The following ZNF320 variants were observed in gnomAD, a reference collection of about 807,000 sequenced individuals.
ZNF320 encodes zinc finger protein 320.
A neutral mutation model predicts 6.8 loss-of-function variants in ZNF320; 2 were observed. The observed-to-expected ratio is 0.29, with a 90% CI of 0.12 to 0.93. The LOEUF is 0.93. Among genes scored for constraint, ZNF320 ranks in the 40% least tolerant of loss-of-function variants. ZNF320 has a pLI of 0.55. For missense variants in ZNF320, 472 were observed against 611.0 expected, an observed-to-expected ratio of 0.77 and a Z score of 2.40; for synonymous variants, 208 against 203.2, an observed-to-expected ratio of 1.02 and a Z score of -0.20.
intron 5 of ZNF320, among the ~76,000 whole-genome samples, chr19:52,870,431 T>G (rs1600578808): frequency 7.3e-6 from 1 of 136,414 alleles, no homozygotes. Context: ...TGAGCCAAGA[T>G]CGGGCCACTA....
chr19:52,862,213 GGTGA>G lies in ZNF320; in HGVS notation c.*1812_*1815del, dbSNP rs553520248. ...CTACACCATGGATTGCCTGATGGAT[GGTGA>G]GTAAGTGGTGATTGCCCACTAAAGG... On this transcript the variant is annotated 3_prime_UTR_variant, in exon 6 of 6. Coordinates refer to the ZNF320 transcript ENST00000673631. The G allele has an allele frequency of 1.9e-4, 99 of 510,896 alleles. 1 individual carries two copies. The highest frequency in any genetic ancestry group is 1.1e-3 in the Admixed American group (49 of 43,402). 31.6% of individuals were successfully genotyped at this position (510,896 alleles called of 1,614,324 possible). A position where few individuals can be genotyped will look rare whatever the true frequency, so the allele number is the denominator to read the frequency against.
At chr19:52,865,810 TATG>T (rs1432436091) in intron 5 of ZNF320, among the ~76,000 whole-genome samples, 3 of 124,138 alleles carry the variant, frequency 2.4e-5, no homozygotes, top group African/African-American at 6.5e-5. Flanking sequence ...TATTTATATA[TATG>T]ATTATACACA....
At chr19:52,872,779 G>A (rs2063702654), downstream of ZNF320, among the ~76,000 whole-genome samples, 1 of 152,116 alleles carries the variant, frequency 6.6e-6, no homozygotes, top group African/African-American at 2.4e-5. Flanking sequence ...GGGATTACAG[G>A]CGTGAGCCAC....
At chr19:52,875,511 AATCCATTTAACATTCAAATTAC>A (rs1285594847), downstream of ZNF320, among the ~76,000 whole-genome samples, 2 of 152,180 alleles carry the variant, frequency 1.3e-5, no homozygotes, top group East Asian at 3.8e-4. Flanking sequence ...GGAGGACTGG[AATCCATTTAACATTCAAATTAC>A]ATCTGAGCAG....
upstream of ZNF320, among the ~76,000 whole-genome samples, chr19:52,898,796 A>G (rs2064545458): frequency 1.3e-5 from 2 of 152,242 alleles, no homozygotes; most frequent in Admixed American, 1.3e-4. Flanking sequence ...ATGTTCTTCT[A>G]TACAATGTCT....
rs2063826910 is a variant in ZNF320, at chr19:52,878,576, C to T, written c.*2020G>A. The T allele has an allele frequency of 6.6e-6, 1 of 152,026 alleles. No individual in the cohort carries two copies. Among genetic ancestry groups the T allele is most frequent in the South Asian group, 2.1e-4 (1 of 4,820 alleles). The allele number at this position is 152,026 out of a possible 1,614,324, so 9.4% of individuals were successfully genotyped here. A position where few individuals can be genotyped will look rare whatever the true frequency, so the allele number is the denominator to read the frequency against. On this transcript the variant is annotated 3_prime_UTR_variant, in exon 6 of 6. Transcript: ENST00000682928. ...TGCATCACTTTCAACATCATCTTGTCCCAACTTAAAATAAGTTTTCCATTT... is the reference window on the plus strand; with the variant it reads ...TGCATCACTTTCAACATCATCTTGTTCCAACTTAAAATAAGTTTTCCATTT...
At chr19:52,874,950 C>T (rs1028516593), downstream of ZNF320, among the ~76,000 whole-genome samples, 23 of 152,122 alleles carry the variant, frequency 1.5e-4, no homozygotes, top group South Asian at 1.0e-3. Flanking sequence ...GCAGAGGGAG[C>T]GAGGAGGACA....
chr19:52,862,765 C>A, exon 6 of ZNF320: 1 of 379,262 alleles, frequency 2.6e-6, no homozygotes. Flanking sequence ...ATGGCTTCTC[C>A]AGTGTGAATT....
exon 6 of ZNF320, chr19:52,863,945 G>A (rs1408292817): frequency 1.2e-5 from 5 of 403,116 alleles, no homozygotes; most frequent in Admixed American, 3.0e-5. Flanking sequence ...GCACGTATGG[G>A]GCAAAATCAC....
chr19:52,875,143 A>G (rs1433882768), downstream of ZNF320, among the ~76,000 whole-genome samples: 1 of 152,234 alleles, frequency 6.6e-6, no homozygotes, highest in African/African-American at 2.4e-5. Flanking sequence ...AATGTAATTT[A>G]TCTCCCATAC....
chr19:52,900,849 C>T (rs1335947330), upstream of ZNF320, among the ~76,000 whole-genome samples: 1 of 151,654 alleles, frequency 6.6e-6, no homozygotes, highest in Non-Finnish European at 1.5e-5. Flanking sequence ...TTTAAGTAGC[C>T]CAAATGACAT....
chr19:52,874,476 T>C (rs948377837), downstream of ZNF320, among the ~76,000 whole-genome samples: 2 of 152,166 alleles, frequency 1.3e-5, no homozygotes, highest in African/African-American at 4.8e-5. Context: ...TAAATATTAC[T>C]GAGGGTGGGT....
intron 2 of ZNF320, among the ~76,000 whole-genome samples, chr19:52,892,598 A>G (rs2064331486): frequency 6.6e-6 from 1 of 152,080 alleles, no homozygotes; most frequent in South Asian, 2.1e-4. Context: ...TAAAAATACA[A>G]AAATTAGCCA....
chr19:52,898,219 G>T (rs1379988949), upstream of ZNF320, among the ~76,000 whole-genome samples: 1 of 152,196 alleles, frequency 6.6e-6, no homozygotes, highest in East Asian at 1.9e-4. Context: ...ATTCACTGGG[G>T]TGGGAGAATC....
rs996721800 is a variant in ZNF320, at chr19:52,881,956, G to A, written c.170C>T (p.Thr57Ile). 8.7e-6 allele frequency: 14 copies of A among 1,606,706 alleles called. No individual in the cohort carries two copies. The highest frequency in any genetic ancestry group is 3.3e-5 in the South Asian group (3 of 89,810). The change falls in exon 6 of 6, where the codon ACA becomes ATA. Residue 57 changes from threonine (T) to isoleucine (I), a missense_variant. By Grantham distance (89) the Thr-to-Ile change is moderately conservative. Coordinates refer to ENST00000682928, the MANE Select transcript of ZNF320 (RefSeq NM_001351774.2). Reference protein sequence around the residue: ...LDISSKCMMNTLSSTGQGNTE... With the variant: ...LDISSKCMMNILSSTGQGNTE... ...ATTGCCTTGCCCTGTTGATGACAAT[G>A]TATTCATCATGCATTTGGAAGAGAT...
In ZNF320 at chr19:52,880,734, A is replaced by G. The variant is rs1361429317; in HGVS notation, c.1392T>C (p.Thr464=). The G allele has an allele frequency of 1.2e-6, 2 of 1,613,832 alleles. No homozygotes were observed. Among genetic ancestry groups the G allele is most frequent in the Non-Finnish European group, 1.7e-6 (2 of 1,179,870 alleles). Residue 464 remains threonine, a synonymous_variant, in exon 6 of 6, where the codon ACT becomes ACC. Coordinates refer to ENST00000682928, the MANE Select transcript of ZNF320 (RefSeq NM_001351774.2). ...GATGACATTTGTAAGATTTCTGTCCAGTATGGATTCTCTGATGCCTAATAA... is the reference window on the plus strand; with the variant it reads ...GATGACATTTGTAAGATTTCTGTCCGGTATGGATTCTCTGATGCCTAATAA... ...SHLIRHQRIH[T]GQKSYKCHQC...
At chr19:52,861,672 T>C (rs922686166) in exon 6 of ZNF320, 2 of 230,586 alleles carry the variant, frequency 8.7e-6, no homozygotes, top group South Asian at 7.2e-5. Context: ...TTGAACTCAA[T>C]GTTAAATCAA....
At chr19:52,896,961 C>G (rs528828606) in intron 1 of ZNF320, among the ~76,000 whole-genome samples, 17 of 152,252 alleles carry the variant, frequency 1.1e-4, no homozygotes, top group Admixed American at 1.1e-3. Flanking sequence ...CACCCATCTG[C>G]TCCGGCCTCG....
At chr19:52,889,746 T>C (rs2064226986) in intron 4 of ZNF320, among the ~76,000 whole-genome samples, 1 of 152,198 alleles carries the variant, frequency 6.6e-6, no homozygotes, top group Non-Finnish European at 1.5e-5. Context: ...ATTAGTAAGA[T>C]TTTTTGAGTC....
Sources: gnomAD v4.1 joint callset for allele counts (sites outside exome capture counted in the v4.1 genomes callset) on GRCh38, gnomAD v4.1.1 for gene constraint, MANE v1.5 for transcripts, NCBI Gene and HGNC (gene_info 2026-07-23, HGNC 2026-07-21) for gene names.